The following NFIB variants were observed in gnomAD, a reference collection of about 807,000 sequenced individuals.
NFIB encodes nuclear factor 1 B-type.
A neutral mutation model predicts 61.5 loss-of-function variants in NFIB; 11 were observed. The observed-to-expected ratio is 0.18, with a 90% CI of 0.11 to 0.30. The LOEUF is 0.30. NFIB is among the 10% of genes least tolerant of loss of function. NFIB has a pLI of 1.00. For missense variants in NFIB, 471 were observed against 608.9 expected, an observed-to-expected ratio of 0.77 and a Z score of 2.38; for synonymous variants, 260 against 216.5, an observed-to-expected ratio of 1.20 and a Z score of -1.76.
intron 2 of NFIB, among the ~76,000 whole-genome samples, chr9:14,276,151 G>T (rs1008074824): frequency 2.0e-5 from 3 of 152,128 alleles, no homozygotes; most frequent in Non-Finnish European, 4.4e-5. Context: ...ATGAGGTGGT[G>T]AATCAAGCAC....
At chr9:14,481,350 G>C in the NFIB span, among the ~76,000 whole-genome samples, 1 of 149,590 alleles carries the variant, frequency 6.7e-6, no homozygotes, top group Non-Finnish European at 1.5e-5. Context: ...GGCTTCCTTT[G>C]TTGGCCTCCT....
intron 1 of NFIB, among the ~76,000 whole-genome samples, chr9:14,343,650 G>A (rs2060979973): frequency 6.6e-6 from 1 of 152,132 alleles, no homozygotes; most frequent in Admixed American, 6.5e-5. Flanking sequence ...AGGCAAAAGT[G>A]TGTACAGTAT....
chr9:14,350,661 T>C (rs1379172270), intron 1 of NFIB, among the ~76,000 whole-genome samples: 6 of 152,186 alleles, frequency 3.9e-5, no homozygotes, highest in Non-Finnish European at 8.8e-5. Flanking sequence ...CGCTGCCAGA[T>C]GATTCAGAGA....
chr9:14,427,947 T>TGTTG, the NFIB span, among the ~76,000 whole-genome samples: 255 of 101,620 alleles, frequency 2.5e-3, 11 homozygotes, highest in African/African-American at 9.9e-3. Flanking sequence ...GTTTTTTTTT[T>TGTTG]TTTTTTTTTT....
chr9:14,482,945 G>A, the NFIB span, among the ~76,000 whole-genome samples: 1 of 152,320 alleles, frequency 6.6e-6, no homozygotes, highest in African/African-American at 2.4e-5. Context: ...CTGAAAGGAT[G>A]CATTATTCAT....
intron 6 of NFIB, among the ~76,000 whole-genome samples, chr9:14,128,466 G>C (rs1322170538): frequency 2.0e-5 from 3 of 152,246 alleles, no homozygotes; most frequent in Middle Eastern, 3.4e-3. Context: ...GGGAGGCTAA[G>C]GCGGGTGGAT....
the NFIB span, among the ~76,000 whole-genome samples, chr9:14,471,300 A>C: frequency 6.6e-6 from 1 of 152,150 alleles, no homozygotes; most frequent in Non-Finnish European, 1.5e-5. Context: ...TGGCTTCTAA[A>C]TGGATTTGCC....
rs114790551 is a variant in NFIB, at chr9:14,246,483, T to C, written c.562+60506A>G. On this transcript the variant is annotated intron_variant, in intron 2 of 10. Coordinates refer to ENST00000380953, the MANE Select transcript of NFIB (RefSeq NM_001190737.2). Reference sequence around the variant, plus strand: ...TTCACTCTGCTGAAGTCCTTCCTAATCAACCCTGCATTGTGTCCTCCTCTG... The same window carrying C: ...TTCACTCTGCTGAAGTCCTTCCTAACCAACCCTGCATTGTGTCCTCCTCTG... Among the ~76,000 whole-genome samples, 145 of 152,330 alleles carry C rather than the reference T, an allele frequency of 9.5e-4. 1 individual carries two copies. The highest frequency in any genetic ancestry group is 3.4e-3 in the African/African-American group (140 of 41,574).
chr9:14,413,529 T>A, the NFIB span, among the ~76,000 whole-genome samples: 1 of 152,214 alleles, frequency 6.6e-6, no homozygotes, highest in Admixed American at 6.5e-5. Flanking sequence ...CAGGGTTTTT[T>A]ATCTGTAAAG....
intron 2 of NFIB, chr9:14,300,325 C>A: frequency 2.5e-6 from 1 of 397,836 alleles, no homozygotes; most frequent in South Asian, 1.3e-4. Context: ...ATTATTCCTC[C>A]TTCACAAGGA....
In NFIB at chr9:14,342,552, A is replaced by G. The variant is rs188411351; in HGVS notation, c.109-35032T>C. Among the ~76,000 whole-genome samples, 71 of 152,308 alleles carry G rather than the reference A, an allele frequency of 4.7e-4. 1 individual carries two copies. Among genetic ancestry groups the G allele is most frequent in the Middle Eastern group, 6.8e-3 (2 of 294 alleles). On this transcript the variant is annotated intron_variant, in intron 1 of 8. Transcript: ENST00000380934. ...AAAAAGAGGGAAGGAAGGCTCGTTT[A>G]TTGAACCCAGGCTGCATGCCAGACA...
intron 2 of NFIB, among the ~76,000 whole-genome samples, chr9:14,229,056 T>C (rs1374270798): frequency 6.6e-6 from 1 of 150,780 alleles, no homozygotes; most frequent in African/African-American, 2.4e-5. Flanking sequence ...AGTAGAGAAA[T>C]TCACTTAAAC....
At chr9:14,257,608 T>C (rs74771700) in intron 2 of NFIB, among the ~76,000 whole-genome samples, 9 of 152,040 alleles carry the variant, frequency 5.9e-5, no homozygotes, top group Non-Finnish European at 1.0e-4. Context: ...TACAAAAAAT[T>C]AGCCGGGCAT....
At chr9:14,224,791 C>T (rs568864921) in intron 2 of NFIB, among the ~76,000 whole-genome samples, 76 of 152,286 alleles carry the variant, frequency 5.0e-4, no homozygotes, top group African/African-American at 1.7e-3. Context: ...TACCATGGAA[C>T]GACTGTATTT....
the NFIB span, among the ~76,000 whole-genome samples, chr9:14,469,901 A>G: frequency 1.3e-5 from 2 of 152,206 alleles, no homozygotes; most frequent in South Asian, 4.1e-4. Context: ...AAGGCTTGAA[A>G]ATTTCAAGTC....
intron 3 of NFIB, among the ~76,000 whole-genome samples, chr9:14,177,235 A>C (rs1249850567): frequency 6.6e-6 from 1 of 152,210 alleles, no homozygotes; most frequent in Non-Finnish European, 1.5e-5. Context: ...AGAGATAAAA[A>C]GAGCTTCCTA....
the NFIB span, among the ~76,000 whole-genome samples, chr9:14,463,663 T>TTG: frequency 4.3e-4 from 29 of 66,754 alleles, no homozygotes; most frequent in East Asian, 0.017. Flanking sequence ...GATTTTCTTT[T>TTG]TTTTTTTTTT....
chr9:14,338,160 C>T (rs1172912493), intron 1 of NFIB, among the ~76,000 whole-genome samples: 1 of 152,048 alleles, frequency 6.6e-6, no homozygotes, highest in African/African-American at 2.4e-5. Context: ...TTTGGGAGGC[C>T]GAGGCAGGCG....
At chr9:14,102,965 A>AGGTTTGT (rs2035993869) in intron 10 of NFIB, among the ~76,000 whole-genome samples, 1 of 152,238 alleles carries the variant, frequency 6.6e-6, no homozygotes, top group Non-Finnish European at 1.5e-5. Context: ...TTAGAGGAGA[A>AGGTTTGT]AAGGCCCACC....
Sources: gnomAD v4.1 joint callset for allele counts (sites outside exome capture counted in the v4.1 genomes callset) on GRCh38, gnomAD v4.1.1 for gene constraint, MANE v1.5 for transcripts, NCBI Gene and HGNC (gene_info 2026-07-23, HGNC 2026-07-21) for gene names.